The following DTNB variants were observed in gnomAD, a reference collection of about 807,000 sequenced individuals.
DTNB encodes the protein dystrobrevin beta.
In DTNB, 63 loss-of-function variants were observed where a neutral mutation model predicts 90.7. The observed-to-expected ratio is 0.69, with a 90% CI of 0.57 to 0.86. The LOEUF is 0.86. Among genes scored for constraint, DTNB ranks in the 40% least tolerant of loss-of-function variants. The probability of loss-of-function intolerance (pLI) is 0.00; values close to 1 mark genes in which losing one functional copy is unlikely to be tolerated. For synonymous variants in DTNB, 277 were observed against 286.7 expected, an observed-to-expected ratio of 0.97 and a Z score of 0.34; for missense variants, 744 against 807.1, an observed-to-expected ratio of 0.92 and a Z score of 0.95.
intron 2 of DTNB, among the ~76,000 whole-genome samples, chr2:25,641,720 G>GT (rs2078343572): frequency 2.0e-5 from 3 of 152,366 alleles, no homozygotes; most frequent in Admixed American, 2.0e-4. Flanking sequence ...GAAGAAAAAT[G>GT]CAACCTCAGA....
chr2:25,616,151 T>C (rs2070408795), intron 4 of DTNB, among the ~76,000 whole-genome samples: 2 of 152,206 alleles, frequency 1.3e-5, no homozygotes, highest in South Asian at 4.1e-4. Context: ...AAAGAAACTG[T>C]TGCTATCTAT....
intron 12 of DTNB, among the ~76,000 whole-genome samples, chr2:25,441,048 A>G (rs772580023): frequency 6.6e-6 from 1 of 152,190 alleles, no homozygotes; most frequent in Non-Finnish European, 1.5e-5. Context: ...GTTCACGTGG[A>G]AGGACATCTC....
intron 14 of DTNB, among the ~76,000 whole-genome samples, chr2:25,432,487 A>G (rs1167297676): frequency 6.6e-6 from 1 of 152,218 alleles, no homozygotes; most frequent in African/African-American, 2.4e-5. Flanking sequence ...AGAGCCCTGC[A>G]TTGACTGTAA....
At position 25,381,503 on chromosome 2, in the gene DTNB, C is replaced by CA. The variant is rs147796201; in HGVS notation, c.1880-2181dup. 5.3e-3 allele frequency among the ~76,000 whole-genome samples: 812 copies of CA among 152,296 alleles called. 8 individuals carry two copies. The highest frequency in any genetic ancestry group is 0.016 in the African/African-American group (677 of 41,544). On this transcript the variant is annotated intron_variant, in intron 19 of 20. Transcript: ENST00000406818. ...CAAGCAGTCCTCCTGCCTCTGCCTCCAAAGCAGCTGGGACTACAGGTGTGC... is the reference window on the plus strand; with the variant it reads ...CAAGCAGTCCTCCTGCCTCTGCCTCCAAAAGCAGCTGGGACTACAGGTGTGC...
At chr2:25,458,603 G>A (rs916665514) in intron 10 of DTNB, among the ~76,000 whole-genome samples, 3 of 151,882 alleles carry the variant, frequency 2.0e-5, no homozygotes, top group Non-Finnish European at 2.9e-5. Flanking sequence ...AGAGTAGCTG[G>A]GGCTACAGGT....
intron 6 of DTNB, among the ~76,000 whole-genome samples, chr2:25,587,567 A>C (rs1171273838): frequency 6.6e-6 from 1 of 152,302 alleles, no homozygotes; most frequent in East Asian, 1.9e-4. Flanking sequence ...CTTTCAGCTC[A>C]TGAATCATCA....
chr2:25,559,455 T>A (rs1212752674), intron 8 of DTNB, among the ~76,000 whole-genome samples: 1 of 152,230 alleles, frequency 6.6e-6, no homozygotes, highest in Non-Finnish European at 1.5e-5. Context: ...ACTGCCACTC[T>A]CAGATCATTT....
At chr2:25,664,202 C>G (rs1255320576) in intron 1 of DTNB, among the ~76,000 whole-genome samples, 2 of 152,094 alleles carry the variant, frequency 1.3e-5, no homozygotes, top group Non-Finnish European at 2.9e-5. Context: ...CTGATGAGAT[C>G]ACCATTGTTT....
At chr2:25,534,261 C>A (rs1443278772) in intron 8 of DTNB, among the ~76,000 whole-genome samples, 1 of 152,144 alleles carries the variant, frequency 6.6e-6, no homozygotes, top group Non-Finnish European at 1.5e-5. Flanking sequence ...CTTGCACCGC[C>A]CTTAATCCAT....
At chr2:25,431,634 C>T (rs1019516205) in intron 14 of DTNB, among the ~76,000 whole-genome samples, 7 of 152,182 alleles carry the variant, frequency 4.6e-5, no homozygotes, top group East Asian at 3.8e-4. Context: ...CAGATCCTTC[C>T]GGCTTAACTG....
intron 1 of DTNB, among the ~76,000 whole-genome samples, chr2:25,664,340 ATTTTCTTTGC>A (rs1225031372): frequency 6.6e-6 from 1 of 152,144 alleles, no homozygotes; most frequent in East Asian, 1.9e-4. Context: ...TTCAATCTGC[ATTTTCTTTGC>A]AGGAATCTTT....
At chr2:25,499,530 A>G (rs925297270) in intron 9 of DTNB, among the ~76,000 whole-genome samples, 2 of 152,224 alleles carry the variant, frequency 1.3e-5, no homozygotes, top group Non-Finnish European at 1.5e-5. Context: ...TCTATTCCAC[A>G]TAACATTTCA....
chr2:25,420,590 A>T (rs531657953), intron 15 of DTNB, among the ~76,000 whole-genome samples: 2 of 151,996 alleles, frequency 1.3e-5, no homozygotes, highest in Admixed American at 1.3e-4. Context: ...ATATGGGCTC[A>T]CTGCAACCTC....
At chr2:25,423,665 A>G (rs1339109069) in intron 15 of DTNB, among the ~76,000 whole-genome samples, 2 of 151,194 alleles carry the variant, frequency 1.3e-5, no homozygotes, top group Non-Finnish European at 2.9e-5. Flanking sequence ...TAAAATTAGG[A>G]TTTTCTTTTC....
At chr2:25,413,083 T>C (rs1446433569) in intron 16 of DTNB, among the ~76,000 whole-genome samples, 1 of 152,244 alleles carries the variant, frequency 6.6e-6, no homozygotes, top group East Asian at 1.9e-4. Flanking sequence ...TAGATTATTA[T>C]CTTTAAAAGA....
intron 10 of DTNB, among the ~76,000 whole-genome samples, chr2:25,481,321 C>T (rs1231297242): frequency 6.6e-6 from 1 of 151,402 alleles, no homozygotes; most frequent in African/African-American, 2.4e-5. Context: ...AGGAGAATCG[C>T]TTGAACCTGG....
chr2:25,542,816 TTATC>T (rs2081569243), intron 8 of DTNB, among the ~76,000 whole-genome samples: 1 of 152,216 alleles, frequency 6.6e-6, no homozygotes, highest in Non-Finnish European at 1.5e-5. Flanking sequence ...AGTTCTTTTC[TTATC>T]TTTTTATCCT....
chr2:25,514,001 G>GA (rs35960444), intron 9 of DTNB, among the ~76,000 whole-genome samples: 143 of 126,970 alleles, frequency 1.1e-3, no homozygotes, highest in Admixed American at 2.9e-3. Context: ...GTTTGGTGGG[G>GA]AAAAAAAAAA....
intron 10 of DTNB, among the ~76,000 whole-genome samples, chr2:25,455,722 G>A (rs953261709): frequency 6.6e-6 from 1 of 152,172 alleles, no homozygotes; most frequent in Non-Finnish European, 1.5e-5. Context: ...AGTGGCGCTG[G>A]CCCACTGACA....
Sources: gnomAD v4.1 joint callset for allele counts (sites outside exome capture counted in the v4.1 genomes callset) on GRCh38, gnomAD v4.1.1 for gene constraint, MANE v1.5 for transcripts, NCBI Gene and HGNC (gene_info 2026-07-23, HGNC 2026-07-21) for gene names.